Variants in RASA1 observed in about 807,000 individuals in gnomAD.
RASA1 encodes ras GTPase-activating protein 1.
In RASA1, 25 loss-of-function variants were observed where a neutral mutation model predicts 132.2. That is an observed-to-expected ratio of 0.19 (90% CI 0.14 to 0.26). The LOEUF is 0.26. Among genes scored for constraint, RASA1 ranks in the 10% least tolerant of loss-of-function variants. The pLI is 1.00. For synonymous variants in RASA1, 477 were observed against 449.9 expected, an observed-to-expected ratio of 1.06 and a Z score of -0.76; for missense variants, 964 against 1,299.2, an observed-to-expected ratio of 0.74 and a Z score of 3.97.
At chr5:87,289,183 A>G (rs1327705028) in intron 1 of RASA1, among the ~76,000 whole-genome samples, 1 of 152,064 alleles carries the variant, frequency 6.6e-6, no homozygotes, top group Non-Finnish European at 1.5e-5. Context: ...TTTGTATTTG[A>G]TTGTTTTCTC....
chr5:87,347,945 A>G (rs1758981668), intron 7 of RASA1, among the ~76,000 whole-genome samples: 1 of 151,990 alleles, frequency 6.6e-6, no homozygotes, highest in African/African-American at 2.4e-5. Flanking sequence ...TTTCCTTAAT[A>G]CATTAGTTTG....
At chr5:87,337,221 C>T (rs1320557072) in intron 4 of RASA1, among the ~76,000 whole-genome samples, 1 of 152,050 alleles carries the variant, frequency 6.6e-6, no homozygotes, top group African/African-American at 2.4e-5. Flanking sequence ...TGAAATACAT[C>T]AGCAACTTGT....
chr5:87,285,597 A>T (rs1754515682), intron 1 of RASA1, among the ~76,000 whole-genome samples: 1 of 148,998 alleles, frequency 6.7e-6, no homozygotes, highest in Non-Finnish European at 1.5e-5. Context: ...TTAAGATTTC[A>T]GTCAGTCTCT....
intron 19 of RASA1, 86 bp from the exon 20 acceptor site, chr5:87,380,423 T>C (rs1475879885): frequency 6.7e-6 from 8 of 1,193,806 alleles, no homozygotes; most frequent in Non-Finnish European, 1.0e-5. Flanking sequence ...AACTGTGGTA[T>C]ATTTGGGTAA....
At chr5:87,351,062 T>G (rs928953230) in intron 8 of RASA1, among the ~76,000 whole-genome samples, 2 of 151,690 alleles carry the variant, frequency 1.3e-5, no homozygotes, top group Non-Finnish European at 3.0e-5. Flanking sequence ...ACAGCCATAC[T>G]CTGCTGTCCC....
chr5:87,309,285 A>G (rs1755760332), intron 1 of RASA1, among the ~76,000 whole-genome samples: 1 of 152,146 alleles, frequency 6.6e-6, no homozygotes, highest in South Asian at 2.1e-4. Context: ...TGATACATAC[A>G]TAAATAGTAT....
intron 13 of RASA1, among the ~76,000 whole-genome samples, chr5:87,373,154 T>C (rs1761069629): frequency 6.6e-6 from 1 of 152,184 alleles, no homozygotes; most frequent in African/African-American, 2.4e-5. Context: ...GCACTTTTTA[T>C]GTATCAGTGG....
intron 4 of RASA1, among the ~76,000 whole-genome samples, chr5:87,334,169 C>T (rs1033271417): frequency 1.3e-5 from 2 of 152,064 alleles, no homozygotes; most frequent in African/African-American, 4.8e-5. Flanking sequence ...CGGCTGTCTG[C>T]AATCTGAAAA....
intron 1 of RASA1, among the ~76,000 whole-genome samples, chr5:87,285,661 A>G (rs1156331380): frequency 7.5e-6 from 1 of 133,896 alleles, no homozygotes; most frequent in African/African-American, 2.9e-5. Context: ...TCTGTCGCCT[A>G]GGCTGGAGTG....
rs141766701 is a variant in RASA1, at chr5:87,316,783, C to T, written c.540-14565C>T. On this transcript the variant is annotated intron_variant, in intron 1 of 24. Coordinates refer to ENST00000274376, the MANE Select transcript of RASA1 (RefSeq NM_002890.3). Reference sequence around the variant, plus strand: ...TAACTTGTGGACTCACTGATTTCTTCTTGCATGTGAGAAAAAGAGCTTTGG... The same window carrying T: ...TAACTTGTGGACTCACTGATTTCTTTTTGCATGTGAGAAAAAGAGCTTTGG... Among the ~76,000 whole-genome samples, 11 of 152,164 alleles carry T rather than the reference C, an allele frequency of 7.2e-5. No homozygotes were observed. The East Asian group carries it at 1.9e-3, about 27-fold the overall frequency.
chr5:87,307,147 T>G (rs1019433074), intron 1 of RASA1, among the ~76,000 whole-genome samples: 2 of 152,184 alleles, frequency 1.3e-5, no homozygotes, highest in Non-Finnish European at 2.9e-5. Flanking sequence ...GGATAACAGG[T>G]GTGAGCCACT....
intron 11 of RASA1, among the ~76,000 whole-genome samples, chr5:87,364,132 C>T (rs1760326487): frequency 6.6e-6 from 1 of 152,022 alleles, no homozygotes. Context: ...GATGTACTTA[C>T]CATTTTTATT....
rs1426287252 is a variant in RASA1, at chr5:87,315,566, T to TTGTG, written c.540-15780_540-15777dup. ...ATAGCAGCTTCCTTTTAAAAAAATC[T>TTGTG]TGTGTTTTTAAAGAAGTGTGCTATC... On this transcript the variant is annotated intron_variant, in intron 1 of 24. Coordinates refer to ENST00000274376, the MANE Select transcript of RASA1 (RefSeq NM_002890.3). 3.9e-5 allele frequency among the ~76,000 whole-genome samples: 6 copies of TTGTG among 152,326 alleles called. No homozygotes were observed. In the East Asian group the frequency reaches 9.6e-4, roughly 24 times the overall value.
At chr5:87,301,356 A>G (rs1214396920) in intron 1 of RASA1, among the ~76,000 whole-genome samples, 1 of 152,108 alleles carries the variant, frequency 6.6e-6, no homozygotes, top group African/African-American at 2.4e-5. Context: ...TTCTTGAAGT[A>G]TAACACATAT....
chr5:87,283,741 C>T (rs1754422369), intron 1 of RASA1, among the ~76,000 whole-genome samples: 1 of 152,214 alleles, frequency 6.6e-6, no homozygotes, highest in East Asian at 1.9e-4. Flanking sequence ...CTTTTGACCC[C>T]TAAGTCTATT....
intron 1 of RASA1, among the ~76,000 whole-genome samples, chr5:87,270,967 G>A (rs1030136639): frequency 2.0e-5 from 3 of 152,048 alleles, no homozygotes; most frequent in Non-Finnish European, 4.4e-5. Flanking sequence ...TGCTGGGCGC[G>A]GTGGCTCACG....
At chr5:87,344,718 T>A (rs530394254) in intron 6 of RASA1, among the ~76,000 whole-genome samples, 6 of 148,404 alleles carry the variant, frequency 4.0e-5, no homozygotes, top group African/African-American at 1.5e-4. Flanking sequence ...GAGGTCTTAC[T>A]ATGCTGCCCA....
rs1469201023 is a variant in RASA1 at position 87,268,649 on chromosome 5, T to C, written c.198T>C (p.Ala66=). 2 of 1,611,156 alleles carry C rather than the reference T, an allele frequency of 1.2e-6. No individual in the cohort carries two copies. The highest frequency in any genetic ancestry group is 2.2e-5 in the South Asian group (2 of 90,656). Residue 66 remains alanine, a synonymous_variant, in exon 1 of 25, where the codon GCT becomes GCC. Transcript: ENST00000274376. ...GVAGTLGGGA[A]LGSEFLGAGS... Reference sequence around the variant, plus strand: ...CTGGAACTCTGGGTGGCGGAGCCGCTTTGGGGTCAGAGTTCCTAGGAGCCG... The same window carrying C: ...CTGGAACTCTGGGTGGCGGAGCCGCCTTGGGGTCAGAGTTCCTAGGAGCCG...
intron 7 of RASA1, among the ~76,000 whole-genome samples, chr5:87,347,541 T>A (rs1758950331): frequency 6.6e-6 from 1 of 152,028 alleles, no homozygotes; most frequent in South Asian, 2.1e-4. Flanking sequence ...ATAGTTTCTA[T>A]ATTTGGTGAA....
Sources: gnomAD v4.1 joint callset for allele counts (sites outside exome capture counted in the v4.1 genomes callset) on GRCh38, gnomAD v4.1.1 for gene constraint, MANE v1.5 for transcripts, NCBI Gene and HGNC (gene_info 2026-07-23, HGNC 2026-07-21) for gene names.